ZFTRAF1: variants seen among roughly 807,000 people sequenced by gnomAD.
The protein encoded by ZFTRAF1 is zinc finger TRAF-type-containing protein 1.
At chr8:144,459,149 C>T in the ZFTRAF1 span, among the ~76,000 whole-genome samples, 2 of 152,252 alleles carry the variant, frequency 1.3e-5, no homozygotes, top group Admixed American at 1.3e-4. Context: ...CCGGGCACCG[C>T]TGAGGCTGTC....
the ZFTRAF1 span, among the ~76,000 whole-genome samples, chr8:144,461,138 C>G: frequency 6.6e-6 from 1 of 152,148 alleles, no homozygotes; most frequent in African/African-American, 2.4e-5. Flanking sequence ...CATGCCACAG[C>G]AAGAAGGACT....
the ZFTRAF1 span, among the ~76,000 whole-genome samples, chr8:144,460,570 G>A: frequency 6.6e-6 from 1 of 152,222 alleles, no homozygotes; most frequent in African/African-American, 2.4e-5. Context: ...TGGCTTGTTG[G>A]AGTCTCCCTC....
chr8:144,460,583 G>C, the ZFTRAF1 span, among the ~76,000 whole-genome samples: 1 of 152,218 alleles, frequency 6.6e-6, no homozygotes, highest in East Asian at 1.9e-4. Flanking sequence ...TCTCCCTCGA[G>C]ATCCAAGAAA....
chr8:144,461,788 G>T, the ZFTRAF1 span, among the ~76,000 whole-genome samples: 5 of 152,208 alleles, frequency 3.3e-5, no homozygotes, highest in Admixed American at 6.5e-5. Context: ...AGAAAAGGAG[G>T]CGTCCATAGG....
At chr8:144,453,625 G>A in the ZFTRAF1 span, 7 of 630,758 alleles carry the variant, frequency 1.1e-5, no homozygotes, top group Middle Eastern at 3.0e-4. Flanking sequence ...TGAACACTGC[G>A]AGCTGCTCAG....
the ZFTRAF1 span, chr8:144,454,667 G>A: frequency 6.6e-6 from 1 of 152,336 alleles, no homozygotes; most frequent in Non-Finnish European, 1.5e-5. Context: ...AGCCTGCCCA[G>A]GCCCAGCCTC....
At chr8:144,450,799 C>A in the ZFTRAF1 span, 2 of 674,594 alleles carry the variant, frequency 3.0e-6, no homozygotes, top group Non-Finnish European at 5.6e-6. Flanking sequence ...CCGGAAAGAG[C>A]CGGCTGTTAG....
chr8:144,453,691 AG>A, the ZFTRAF1 span: 1 of 538,064 alleles, frequency 1.9e-6, no homozygotes, highest in Non-Finnish European at 3.3e-6. Flanking sequence ...CCTAAAAGCA[AG>A]GCCTCATCAG....
At chr8:144,460,500 A>G in the ZFTRAF1 span, among the ~76,000 whole-genome samples, 3 of 152,218 alleles carry the variant, frequency 2.0e-5, no homozygotes, top group African/African-American at 7.2e-5. Flanking sequence ...GCTCCAGCCC[A>G]CCCACCAATG....
the ZFTRAF1 span, among the ~76,000 whole-genome samples, chr8:144,461,107 C>A: frequency 1.3e-5 from 2 of 152,136 alleles, no homozygotes; most frequent in South Asian, 2.1e-4. Flanking sequence ...CCCAGGCACA[C>A]TGGGGTCCTC....
chr8:144,452,125 G>A, the ZFTRAF1 span: 1 of 586,126 alleles, frequency 1.7e-6, no homozygotes. Context: ...GGGCGGGGCT[G>A]CTGTGAGAGC....
the ZFTRAF1 span, among the ~76,000 whole-genome samples, chr8:144,460,945 T>A: frequency 6.6e-6 from 1 of 152,088 alleles, no homozygotes; most frequent in African/African-American, 2.4e-5. Context: ...AAAAAGGAGC[T>A]GGAGAGTGGG....
the ZFTRAF1 span, chr8:144,457,309 G>T: frequency 1.3e-5 from 2 of 152,206 alleles, no homozygotes; most frequent in Non-Finnish European, 2.9e-5. Flanking sequence ...ATATGACCTT[G>T]GGCTCCCCTC....
the ZFTRAF1 span, among the ~76,000 whole-genome samples, chr8:144,450,962 G>A: frequency 6.6e-6 from 1 of 152,156 alleles, no homozygotes; most frequent in African/African-American, 2.4e-5. Context: ...AGCTTTGAGG[G>A]GAACAACCAC....
chr8:144,458,494 C>A, the ZFTRAF1 span, among the ~76,000 whole-genome samples: 1 of 152,152 alleles, frequency 6.6e-6, no homozygotes, highest in African/African-American at 2.4e-5. Context: ...GAAGAGGGGC[C>A]CGAAGCTCCT....
At chr8:144,450,622 C>T in the ZFTRAF1 span, 9 of 718,014 alleles carry the variant, frequency 1.3e-5, no homozygotes, top group East Asian at 2.7e-5. Flanking sequence ...GGAAGGAGAG[C>T]GTACGCTTGC....
chr8:144,450,222 C>A, the ZFTRAF1 span: 1 of 597,630 alleles, frequency 1.7e-6, no homozygotes, highest in Non-Finnish European at 3.0e-6. Flanking sequence ...GGGGCCCCGT[C>A]GCGCACGCAT....
the ZFTRAF1 span, among the ~76,000 whole-genome samples, chr8:144,461,866 C>T: frequency 3.3e-5 from 5 of 152,060 alleles, no homozygotes; most frequent in African/African-American, 1.2e-4. Flanking sequence ...AGCTCTCGAG[C>T]ACAGGACTCT....
At chr8:144,457,889 AC>A in the ZFTRAF1 span, 1 of 152,382 alleles carries the variant, frequency 6.6e-6, no homozygotes, top group Non-Finnish European at 1.5e-5. Context: ...GCCCTCGCTC[AC>A]CCAGGGGTCA....
Sources: allele counts gnomAD v4.1 joint callset (sites outside exome capture counted in the v4.1 genomes callset), GRCh38; gene constraint gnomAD v4.1.1; transcripts MANE v1.5; gene names NCBI Gene and HGNC (gene_info 2026-07-23, HGNC 2026-07-21).